The following DLG2 variants were observed in gnomAD, a reference collection of about 807,000 sequenced individuals.
DLG2 encodes disks large homolog 2.
Under a neutral mutation model 132.5 loss-of-function variants are expected in DLG2, and 45 were observed. That is an observed-to-expected ratio of 0.34 (90% CI 0.27 to 0.44). The LOEUF (loss-of-function observed/expected upper bound fraction) is 0.44. Ranked by LOEUF, DLG2 falls within the 20% of genes least tolerant of loss-of-function variation. The pLI is 1.00. For synonymous variants in DLG2, 424 were observed against 419.6 expected (o/e 1.01, Z -0.13); for missense variants, 1,045 against 1,196.9 (o/e 0.87, Z 1.87).
At chr11:84,842,038 A>G (rs777735777) in intron 6 of DLG2, among the ~76,000 whole-genome samples, 14 of 151,920 alleles carry the variant, frequency 9.2e-5, no homozygotes, top group Non-Finnish European at 1.9e-4. Flanking sequence ...ATTTTTACTT[A>G]CTATATTCTG....
chr11:84,456,048 T>C (rs917074151), intron 7 of DLG2, among the ~76,000 whole-genome samples: 1 of 151,306 alleles, frequency 6.6e-6, no homozygotes, highest in African/African-American at 2.4e-5. Context: ...AACACTGGAT[T>C]CTGAGCAGGA....
At chr11:84,732,096 T>C (rs552126898) in intron 6 of DLG2, among the ~76,000 whole-genome samples, 4 of 152,216 alleles carry the variant, frequency 2.6e-5, no homozygotes, top group Admixed American at 2.6e-4. Context: ...TTTATCTAGA[T>C]GGTTGCATGT....
rs886671322 is a variant in DLG2, at chr11:83,823,608, G to C, written c.1722+10006C>G. 2.0e-5 allele frequency among the ~76,000 whole-genome samples: 3 copies of C among 152,064 alleles called. No individual in the cohort carries two copies. The East Asian group carries it at 5.8e-4, about 29-fold the overall frequency. On this transcript the variant is annotated intron_variant, in intron 17 of 27. Coordinates refer to ENST00000376104, the MANE Select transcript of DLG2 (RefSeq NM_001142699.3). ...ATGAATAAAACTGAGAGGGGTCCTA[G>C]GATTTCCAACTGCCTTCAGAGAAGT...
rs554667356 is a variant in DLG2, at chr11:83,946,208, G to A, written c.1341-15725C>T. On this transcript the variant is annotated intron_variant, in intron 14 of 27. Transcript: ENST00000376104. ...CTTCACCATGTTGGCCAGGCTCGTC[G>A]AACTCCTGACCTCAGGTAATCTACC... Among the ~76,000 whole-genome samples the A allele has an allele frequency of 2.9e-3, 446 of 151,944 alleles. 3 individuals carry two copies. The highest frequency in any genetic ancestry group is 0.01 in the African/African-American group (421 of 41,454).
intron 9 of DLG2, among the ~76,000 whole-genome samples, chr11:84,140,938 T>C (rs2094816124): frequency 6.6e-6 from 1 of 152,144 alleles, no homozygotes; most frequent in Non-Finnish European, 1.5e-5. Context: ...TGCCATATAC[T>C]TGTTATGTGA....
At chr11:84,631,018 T>TCTCA (rs1217703556) in intron 6 of DLG2, among the ~76,000 whole-genome samples, 43 of 94,286 alleles carry the variant, frequency 4.6e-4, no homozygotes, top group Admixed American at 9.2e-4. Flanking sequence ...TCTCTCTCTC[T>TCTCA]CACACACACA....
chr11:84,447,642 T>C (rs1276918523), intron 7 of DLG2, among the ~76,000 whole-genome samples: 1 of 152,090 alleles, frequency 6.6e-6, no homozygotes, highest in African/African-American at 2.4e-5. Context: ...AGTAGTTTTT[T>C]CTTTCTTTTT....
intron 2 of DLG2, among the ~76,000 whole-genome samples, chr11:85,619,346 T>G (rs950303188): frequency 8.6e-5 from 13 of 152,024 alleles, no homozygotes; most frequent in African/African-American, 3.1e-4. Context: ...CCCAGCTAAT[T>G]TTTTTAATTG....
At chr11:85,036,009 G>A (rs2061406170) in intron 6 of DLG2, among the ~76,000 whole-genome samples, 1 of 152,206 alleles carries the variant, frequency 6.6e-6, no homozygotes, top group Admixed American at 6.5e-5. Context: ...TAGGTGCATA[G>A]AGCATGGGTT....
At chr11:84,656,457 G>A (rs988741376) in intron 6 of DLG2, among the ~76,000 whole-genome samples, 6 of 152,068 alleles carry the variant, frequency 3.9e-5, no homozygotes, top group African/African-American at 1.4e-4. Context: ...TTTATCATAC[G>A]AAGAGTATAG....
intron 4 of DLG2, among the ~76,000 whole-genome samples, chr11:85,214,179 T>G (rs2082427985): frequency 6.6e-6 from 1 of 152,186 alleles, no homozygotes; most frequent in Non-Finnish European, 1.5e-5. Flanking sequence ...CTTCCCAGTC[T>G]CTACGGTCTA....
intron 6 of DLG2, among the ~76,000 whole-genome samples, chr11:84,864,510 T>C (rs1459858862): frequency 6.6e-6 from 1 of 152,172 alleles, no homozygotes; most frequent in African/African-American, 2.4e-5. Context: ...ACTATCTCCT[T>C]CCCTCTACCC....
At chr11:85,562,711 C>T (rs1451746223) in intron 3 of DLG2, among the ~76,000 whole-genome samples, 1 of 151,662 alleles carries the variant, frequency 6.6e-6, no homozygotes, top group African/African-American at 2.4e-5. Flanking sequence ...TTCCCTAAAG[C>T]CCGATCATGG....
chr11:84,904,594 C>A lies in DLG2; in HGVS notation c.357+207067G>T, dbSNP rs555996452. 2.8e-4 allele frequency among the ~76,000 whole-genome samples: 42 copies of A among 152,244 alleles called. No homozygotes were observed. The South Asian group carries it at 8.7e-3, about 32-fold the overall frequency. On this transcript the variant is annotated intron_variant, in intron 6 of 27. Transcript: ENST00000376104. ...CTGCCCATAACTGAGGGTTTGAATC[C>A]CATTTGTCCTTTAAGTCCAGCTATT...
chr11:85,398,241 A>G (rs1324447046), intron 3 of DLG2, among the ~76,000 whole-genome samples: 1 of 152,172 alleles, frequency 6.6e-6, no homozygotes, highest in Non-Finnish European at 1.5e-5. Context: ...GAGAACAAAG[A>G]CACAACGTAC....
chr11:83,953,719 C>G (rs1251787138), intron 14 of DLG2, among the ~76,000 whole-genome samples: 1 of 152,202 alleles, frequency 6.6e-6, no homozygotes, highest in Non-Finnish European at 1.5e-5. Flanking sequence ...TGAAAATAAA[C>G]TCCTAGAAGA....
At chr11:84,713,365 T>C in intron 6 of DLG2, among the ~76,000 whole-genome samples, 1 of 152,074 alleles carries the variant, frequency 6.6e-6, no homozygotes, top group East Asian at 1.9e-4. Context: ...AGGGGCACTG[T>C]AAAGATTAAG....
At chr11:84,044,583 T>C (rs2096196335) in intron 11 of DLG2, among the ~76,000 whole-genome samples, 1 of 151,762 alleles carries the variant, frequency 6.6e-6, no homozygotes, top group African/African-American at 2.4e-5. Flanking sequence ...ATTTTTCTTG[T>C]AAGACCCCAA....
At chr11:85,415,990 T>G (rs2089806392) in intron 3 of DLG2, among the ~76,000 whole-genome samples, 1 of 152,228 alleles carries the variant, frequency 6.6e-6, no homozygotes, top group Non-Finnish European at 1.5e-5. Context: ...CTTCTATGGT[T>G]TTTACGGTTT....
Sources: allele counts gnomAD v4.1 joint callset (sites outside exome capture counted in the v4.1 genomes callset), GRCh38; gene constraint gnomAD v4.1.1; transcripts MANE v1.5; gene names NCBI Gene and HGNC (gene_info 2026-07-23, HGNC 2026-07-21).